The following PLXDC1 variants were observed in gnomAD, a reference collection of about 807,000 sequenced individuals.
PLXDC1 encodes the protein plexin domain containing 1.
PLXDC1 carries 39 observed loss-of-function variants against 61.3 expected under a neutral mutation model. The ratio of observed to expected loss-of-function variants is 0.64; its 90% CI spans 0.49 to 0.83. The LOEUF (loss-of-function observed/expected upper bound fraction) is 0.83. PLXDC1 is among the 40% of genes least tolerant of loss of function. PLXDC1 has a pLI of 0.00. For missense variants in PLXDC1, 596 were observed against 666.5 expected (o/e 0.89, Z 1.17); for synonymous variants, 212 against 254.5 (o/e 0.83, Z 1.59).
At chr17:39,135,950 A>G (rs915003300) in intron 2 of PLXDC1, among the ~76,000 whole-genome samples, 7 of 152,192 alleles carry the variant, frequency 4.6e-5, no homozygotes, top group Admixed American at 1.3e-4. Context: ...AATTGCTTCC[A>G]GAAATCTAAG....
Position 39,105,701 on chromosome 17 carries a change from G to T in PLXDC1, c.811+153C>A, listed in dbSNP as rs73302835. On this transcript the variant is annotated intron_variant, in intron 7 of 13. Coordinates refer to ENST00000315392, the MANE Select transcript of PLXDC1 (RefSeq NM_020405.5). ...CCCTCTGCTATAACAAAGAAAAGCT[G>T]GAAGTCACTGGGCATCCTTTCCTGC... Among the ~76,000 whole-genome samples, 428 of 152,242 alleles carry T rather than the reference G, an allele frequency of 2.8e-3. 1 individual carries two copies. The highest frequency in any genetic ancestry group is 1.0e-2 in the African/African-American group (414 of 41,528).
chr17:39,067,882 C>G lies in PLXDC1; in HGVS notation c.1461G>C (p.Ser487=), dbSNP rs148824323. The G allele has an allele frequency of 6.2e-7, 1 of 1,613,852 alleles. No homozygotes were observed. The highest frequency in any genetic ancestry group is 1.1e-5 in the South Asian group (1 of 91,068). The part of the protein sequence containing the change: ...DHSTYAEVEP[S]GHEKEGFMEA... ...CCATGAAGCCCTCCTTCTCATGGCC[C>G]GAGGGCTCCACCTCCGCATAGGTGG... The change falls in exon 14 of 14, where the codon TCG becomes TCC. Residue 487 remains serine (S), a synonymous_variant. Transcript: ENST00000315392.
In PLXDC1 at chr17:39,151,523, G is replaced by A; in HGVS notation, c.-86C>T. 1 of 1,223,690 alleles carries A rather than the reference G, an allele frequency of 8.2e-7. No individual in the cohort carries two copies. 75.8% of individuals were successfully genotyped at this position (1,223,690 alleles called of 1,614,324 possible). On this transcript the variant is annotated 5_prime_UTR_variant, in exon 1 of 14. Coordinates refer to ENST00000315392, the MANE Select transcript of PLXDC1 (RefSeq NM_020405.5). The surrounding 1 kb of genome is among the most constrained non-coding windows in gnomAD (Gnocchi z 5.2). ...CCCTGGCTCAGGCTGCGGCCGCGCG[G>A]TCCCCGGGGCTGGCGGAGGGGCGGG...
intron 11 of PLXDC1, 59 bp downstream of exon 11, chr17:39,077,854 G>A: frequency 6.3e-7 from 1 of 1,589,716 alleles, no homozygotes; most frequent in Non-Finnish European, 8.6e-7. Context: ...GGCCCCAGAG[G>A]GGTGGGTAGC....
intron 7 of PLXDC1, among the ~76,000 whole-genome samples, chr17:39,093,552 A>C (rs1447747026): frequency 6.6e-6 from 1 of 151,948 alleles, no homozygotes; most frequent in African/African-American, 2.4e-5. Flanking sequence ...CCTCATCTCT[A>C]TAAAAATACA....
chr17:39,082,867 A>G (rs1251546847), intron 9 of PLXDC1, among the ~76,000 whole-genome samples: 1 of 152,204 alleles, frequency 6.6e-6, no homozygotes, highest in African/African-American at 2.4e-5. Context: ...CTGAAACTGA[A>G]TCTCACCCAG....
At chr17:39,096,594 T>C (rs916033653) in intron 7 of PLXDC1, among the ~76,000 whole-genome samples, 2 of 152,140 alleles carry the variant, frequency 1.3e-5, no homozygotes, top group African/African-American at 4.8e-5. Context: ...GACTCAAGTC[T>C]GCCTCGGAAA....
chr17:39,068,066 G>A, intron 13 of PLXDC1, 107 bp from the exon 14 acceptor site: 5 of 1,034,512 alleles, frequency 4.8e-6, no homozygotes, highest in African/African-American at 1.6e-5. Context: ...TAAGGGCCCT[G>A]GGGCACTTGG....
intron 2 of PLXDC1, among the ~76,000 whole-genome samples, chr17:39,114,583 G>A (rs748053825): frequency 9.9e-5 from 15 of 152,130 alleles, no homozygotes; most frequent in Non-Finnish European, 2.1e-4. Context: ...TTTATTTATC[G>A]TGTTTAAGCA....
intron 2 of PLXDC1, among the ~76,000 whole-genome samples, chr17:39,127,625 AAAG>A (rs1911348846): frequency 6.6e-6 from 1 of 152,148 alleles, no homozygotes; most frequent in Admixed American, 6.6e-5. Flanking sequence ...ATATTCCTCC[AAAG>A]AAGATATAAA....
intron 2 of PLXDC1, among the ~76,000 whole-genome samples, chr17:39,136,393 T>C (rs1420771993): frequency 6.6e-6 from 1 of 152,206 alleles, no homozygotes; most frequent in Non-Finnish European, 1.5e-5. Context: ...AATAATATTT[T>C]GATGAACAGA....
At chr17:39,128,097 G>GTGTGTATATATATATATATATATA (rs1911379292) in intron 2 of PLXDC1, among the ~76,000 whole-genome samples, 2 of 67,478 alleles carry the variant, frequency 3.0e-5, no homozygotes, top group African/African-American at 7.3e-5. Flanking sequence ...CTCTCTATGT[G>GTGTGTATATATATATATATATATA]TATATATATA....
At chr17:39,107,358 T>G in intron 6 of PLXDC1, 49 bp downstream of exon 6, 1 of 1,100,926 alleles carries the variant, frequency 9.1e-7, no homozygotes, top group Non-Finnish European at 1.3e-6. Flanking sequence ...ATTTGCTGAA[T>G]GAAGAAAGGC....
At chr17:39,124,627 A>C (rs1911264082) in intron 2 of PLXDC1, among the ~76,000 whole-genome samples, 1 of 152,218 alleles carries the variant, frequency 6.6e-6, no homozygotes, top group Non-Finnish European at 1.5e-5. Flanking sequence ...TTAAATTGTG[A>C]GAAAGAGCTT....
intron 7 of PLXDC1, among the ~76,000 whole-genome samples, chr17:39,103,688 A>C (rs564674761): frequency 6.6e-6 from 1 of 152,076 alleles, no homozygotes; most frequent in East Asian, 1.9e-4. Context: ...TTTACTAAAA[A>C]TACAAAAATC....
At chr17:39,129,761 A>G (rs1046762939) in intron 2 of PLXDC1, among the ~76,000 whole-genome samples, 1 of 150,938 alleles carries the variant, frequency 6.6e-6, no homozygotes, top group Non-Finnish European at 1.5e-5. Flanking sequence ...GCAAGAAAGA[A>G]AGAAAGAGAG....
intron 7 of PLXDC1, among the ~76,000 whole-genome samples, chr17:39,105,624 C>T (rs1346575840): frequency 1.3e-5 from 2 of 152,112 alleles, no homozygotes; most frequent in East Asian, 3.9e-4. Context: ...TCCCTTTCAC[C>T]TTAACAACCA....
At chr17:39,116,630 A>C (rs73983212) in intron 2 of PLXDC1, among the ~76,000 whole-genome samples, 2 of 152,158 alleles carry the variant, frequency 1.3e-5, no homozygotes, top group African/African-American at 2.4e-5. Context: ...GGATTCCTCA[A>C]TTTCTTCTCT....
In PLXDC1 at chr17:39,090,019, A is replaced by G. The variant is rs145034840; in HGVS notation, c.812-2317T>C. 2.0e-4 allele frequency among the ~76,000 whole-genome samples: 31 copies of G among 152,174 alleles called. 1 individual carries two copies. In the East Asian group the frequency reaches 5.8e-3, roughly 29 times the overall value. ...TCACCATATTGGCCAGGCTGGTCCC[A>G]AACTCCTGACCTCAGGTGATATGCC... On this transcript the variant is annotated intron_variant, in intron 7 of 13. Transcript: ENST00000315392.
Sources: gnomAD v4.1 joint callset for allele counts (sites outside exome capture counted in the v4.1 genomes callset) on GRCh38, gnomAD v4.1.1 for gene constraint, Gnocchi (gnomAD v3.1) non-coding constraint, MANE v1.5 for transcripts, NCBI Gene and HGNC (gene_info 2026-07-23, HGNC 2026-07-21) for gene names.